Variants in PPFIBP2 observed in about 807,000 individuals in gnomAD.
The protein encoded by PPFIBP2 is PPFIB scaffold protein 2.
PPFIBP2 carries 118 observed loss-of-function variants against 118.3 expected under a neutral mutation model. The observed-to-expected ratio is 1.00, with a 90% confidence interval of 0.86 to 1.16. The LOEUF is 1.16. Ranked by LOEUF, PPFIBP2 falls within the 50% of genes most tolerant of loss-of-function variation. The pLI is 0.00. For missense variants in PPFIBP2, 1,195 were observed against 1,073.1 expected, an observed-to-expected ratio of 1.11 and a Z score of -1.59; for synonymous variants, 414 against 397.4, an observed-to-expected ratio of 1.04 and a Z score of -0.50.
At chr11:7,609,284 A>G (rs1256564594) in intron 5 of PPFIBP2, among the ~76,000 whole-genome samples, 2 of 152,172 alleles carry the variant, frequency 1.3e-5, no homozygotes, top group East Asian at 3.9e-4. Context: ...TGTTCAGACC[A>G]TGGCAGGATA....
chr11:7,647,653 G>A (rs951507747), intron 17 of PPFIBP2, among the ~76,000 whole-genome samples: 6 of 152,242 alleles, frequency 3.9e-5, no homozygotes, highest in African/African-American at 1.2e-4. Context: ...TGTAACATAC[G>A]TTACATATGT....
intron 22 of PPFIBP2, 114 bp downstream of exon 22, chr11:7,651,079 G>C: frequency 8.8e-7 from 1 of 1,129,984 alleles, no homozygotes; most frequent in African/African-American, 1.5e-5. Flanking sequence ...ACTTCATCTG[G>C]AGGTCTTGCA....
intron 1 of PPFIBP2, among the ~76,000 whole-genome samples, chr11:7,539,734 T>C (rs778115457): frequency 1.3e-5 from 2 of 152,066 alleles, no homozygotes; most frequent in Non-Finnish European, 2.9e-5. Context: ...GAGAGGATCC[T>C]TGGAGATAAT....
chr11:7,665,980 C>G, the PPFIBP2 span: 1 of 1,433,576 alleles, frequency 7.0e-7, no homozygotes, highest in Non-Finnish European at 9.5e-7. Context: ...GTGTGAGAGG[C>G]GCGCCTGTGG....
At chr11:7,636,493 C>T (rs1452295881) in intron 14 of PPFIBP2, among the ~76,000 whole-genome samples, 9 of 152,070 alleles carry the variant, frequency 5.9e-5, no homozygotes, top group African/African-American at 1.9e-4. Context: ...CAACACAGTC[C>T]CTTGAGCCTG....
intron 3 of PPFIBP2, among the ~76,000 whole-genome samples, chr11:7,583,002 C>T (rs1408483923): frequency 6.6e-6 from 1 of 152,166 alleles, no homozygotes; most frequent in African/African-American, 2.4e-5. Context: ...TATCTTTGAC[C>T]CTGTGCTTGT....
At chr11:7,599,458 G>A (rs1198860011) in intron 5 of PPFIBP2, among the ~76,000 whole-genome samples, 6 of 152,156 alleles carry the variant, frequency 3.9e-5, no homozygotes, top group Admixed American at 3.9e-4. Context: ...GCTTCTCTGA[G>A]CCTTCTCTAC....
At chr11:7,662,881 G>A in the PPFIBP2 span, among the ~76,000 whole-genome samples, 5 of 143,596 alleles carry the variant, frequency 3.5e-5, no homozygotes, top group Non-Finnish European at 3.1e-5. Flanking sequence ...TTCCCTTCTC[G>A]CTTCATTTCT....
chr11:7,650,725 C>A, intron 21 of PPFIBP2, 115 bp from the exon 22 acceptor site: 2 of 1,139,040 alleles, frequency 1.8e-6, no homozygotes, highest in South Asian at 2.3e-5. Context: ...AGCTTGAGGG[C>A]CTTCTATTGT....
At chr11:7,525,632 C>G (rs535153666) in intron 1 of PPFIBP2, among the ~76,000 whole-genome samples, 1 of 152,184 alleles carries the variant, frequency 6.6e-6, no homozygotes, top group Non-Finnish European at 1.5e-5. Flanking sequence ...CAGCAAACAG[C>G]GCAGAGTCCA....
intron 3 of PPFIBP2, among the ~76,000 whole-genome samples, chr11:7,575,172 A>G (rs1219239895): frequency 6.6e-6 from 1 of 152,170 alleles, no homozygotes; most frequent in Non-Finnish European, 1.5e-5. Flanking sequence ...TTATCATTTG[A>G]GCCTTATTCT....
chr11:7,560,814 C>G (rs1012107330), intron 2 of PPFIBP2, among the ~76,000 whole-genome samples: 1 of 152,208 alleles, frequency 6.6e-6, no homozygotes. Context: ...ATTATCATTG[C>G]ATTTGCATTT....
chr11:7,586,042 G>T (rs936830439), intron 3 of PPFIBP2, among the ~76,000 whole-genome samples: 1 of 152,238 alleles, frequency 6.6e-6, no homozygotes, highest in Non-Finnish European at 1.5e-5. Context: ...CTTGTTCAGG[G>T]ATAGTGGAGA....
downstream of PPFIBP2, among the ~76,000 whole-genome samples, chr11:7,655,807 C>T (rs1450154706): frequency 6.6e-6 from 1 of 151,854 alleles, no homozygotes; most frequent in Non-Finnish European, 1.5e-5. Context: ...AACCAAGATG[C>T]TCAGCAACTC....
rs777098001 is a variant in PPFIBP2, at chr11:7,651,616, T to C, written c.2248-40T>C. The C allele has an allele frequency of 1.9e-6, 3 of 1,553,792 alleles. No individual in the cohort carries two copies. In the South Asian group the frequency reaches 3.6e-5, roughly 18 times the overall value. On this transcript the variant is annotated intron_variant, in intron 22 of 23. Coordinates refer to ENST00000299492, the MANE Select transcript of PPFIBP2 (RefSeq NM_003621.5). ...AGCATCCTCCCCCTCGAGCCATTTGTATTTGCTCCTGGCCAGGCTTGTCTC... is the reference window on the plus strand; with the variant it reads ...AGCATCCTCCCCCTCGAGCCATTTGCATTTGCTCCTGGCCAGGCTTGTCTC...
rs1427541494 is a variant in PPFIBP2 at position 7,639,871 on chromosome 11, G to C, written c.1375+1G>C. The C allele has an allele frequency of 1.2e-6, 2 of 1,613,724 alleles. No homozygotes were observed. Among genetic ancestry groups the C allele is most frequent in the Non-Finnish European group, 8.5e-7 (1 of 1,179,854 alleles). On this transcript the variant is annotated splice_donor_variant, in intron 15 of 23. Coordinates refer to ENST00000299492, the MANE Select transcript of PPFIBP2 (RefSeq NM_003621.5). LOFTEE classifies it high-confidence loss of function. ...ACGGGGAGCAGCCTGCTGAGGCTGA[G>C]TGAGTGTCCAGCCCTGGTGCTGGTG...
intron 3 of PPFIBP2, among the ~76,000 whole-genome samples, chr11:7,570,336 C>T (rs577069537): frequency 1.3e-5 from 2 of 152,294 alleles, no homozygotes; most frequent in South Asian, 2.1e-4. Flanking sequence ...CCAGAAGATA[C>T]CAGAGCCAGC....
At chr11:7,621,555 A>G (rs900395292) in intron 7 of PPFIBP2, among the ~76,000 whole-genome samples, 20 of 152,224 alleles carry the variant, frequency 1.3e-4, no homozygotes, top group Non-Finnish European at 2.5e-4. Flanking sequence ...AATAAATTCT[A>G]TTGTGAAATA....
intron 6 of PPFIBP2, among the ~76,000 whole-genome samples, chr11:7,612,975 T>C (rs759200269): frequency 7.9e-5 from 12 of 152,196 alleles, no homozygotes; most frequent in Admixed American, 2.0e-4. Context: ...TCACCAGAGG[T>C]TGTAATTGCA....
Sources: gnomAD v4.1 joint callset for allele counts (sites outside exome capture counted in the v4.1 genomes callset) on GRCh38, gnomAD v4.1.1 for gene constraint, MANE v1.5 for transcripts, NCBI Gene and HGNC (gene_info 2026-07-23, HGNC 2026-07-21) for gene names.